The following ZDHHC15 variants were observed in gnomAD, a reference collection of about 807,000 sequenced individuals.
ZDHHC15 encodes the protein zDHHC palmitoyltransferase 15, also known as palmitoyltransferase ZDHHC15.
ZDHHC15 carries 19 observed loss-of-function variants against 31.7 expected under a neutral mutation model. The ratio of observed to expected loss-of-function variants is 0.60; its 90% CI spans 0.42 to 0.88. The LOEUF (loss-of-function observed/expected upper bound fraction) is 0.88, where lower values mean the gene tolerates loss of function less well. Among genes scored for constraint, ZDHHC15 ranks in the 40% least tolerant of loss-of-function variants. ZDHHC15 has a pLI of 0.00. For missense variants in ZDHHC15, 209 were observed against 251.2 expected, an observed-to-expected ratio of 0.83 and a Z score of 1.14; for synonymous variants, 103 against 90.0, an observed-to-expected ratio of 1.14 and a Z score of -0.82.
chrX:75,443,816 T>C (rs984804593), intron 4 of ZDHHC15, among the ~76,000 whole-genome samples: 5 of 111,889 alleles, frequency 4.5e-5, no homozygotes, highest in African/African-American at 6.5e-5. Flanking sequence ...AGGATATGAA[T>C]AGACACTTCT....
intron 7 of ZDHHC15, among the ~76,000 whole-genome samples, chrX:75,426,663 A>T (rs1167218825): frequency 9.0e-6 from 1 of 111,550 alleles, no homozygotes; most frequent in Non-Finnish European, 1.9e-5. Context: ...ACATAAGGAA[A>T]AGCTCAATCT....
At position 75,489,939 on chromosome X, in the gene ZDHHC15, G is replaced by A. The variant is rs957511228; in HGVS notation, c.164-10954C>T. Among the ~76,000 whole-genome samples the A allele has an allele frequency of 7.1e-5, 8 of 112,206 alleles. No homozygotes were observed. The East Asian group carries it at 1.1e-3, about 16-fold the overall frequency. Reference sequence around the variant, plus strand: ...AAACAAGGCACAAGAACTATGTGACGAATGCACTAGCCTCAGTAGCCGATT... The same window carrying A: ...AAACAAGGCACAAGAACTATGTGACAAATGCACTAGCCTCAGTAGCCGATT... On this transcript the variant is annotated intron_variant, in intron 2 of 11. Coordinates refer to ENST00000373367, the MANE Select transcript of ZDHHC15 (RefSeq NM_144969.3).
chrX:75,505,923 A>G, intron 1 of ZDHHC15, 76 bp from the exon 2 acceptor site: 1 of 954,416 alleles, frequency 1.0e-6, no homozygotes, highest in Non-Finnish European at 1.5e-6. Flanking sequence ...GAAATTAGTT[A>G]TATTTAAAAA....
chrX:75,507,224 C>T (rs891883862), intron 1 of ZDHHC15, among the ~76,000 whole-genome samples: 4 of 111,224 alleles, frequency 3.6e-5, no homozygotes, highest in Non-Finnish European at 5.7e-5. Context: ...TGACTAGCAG[C>T]CTTGGGAAAA....
At chrX:75,438,717 C>T (rs937144446) in intron 4 of ZDHHC15, among the ~76,000 whole-genome samples, 1 of 111,092 alleles carries the variant, frequency 9.0e-6, no homozygotes, top group African/African-American at 3.3e-5. Flanking sequence ...TGCATCAATG[C>T]CTTTTTTACA....
chrX:75,438,527 C>T (rs1360545015), intron 4 of ZDHHC15, among the ~76,000 whole-genome samples: 1 of 111,126 alleles, frequency 9.0e-6, no homozygotes, highest in Non-Finnish European at 1.9e-5. Context: ...TTTTTTCACT[C>T]CTGTACCTTA....
At position 75,422,123 on chromosome X, in the gene ZDHHC15, G is replaced by C. The variant is rs920156669; in HGVS notation, c.737-133C>G. On this transcript the variant is annotated intron_variant, in intron 8 of 11. Coordinates refer to ENST00000373367, the MANE Select transcript of ZDHHC15 (RefSeq NM_144969.3). ...TATATCTTTTTGCTGTGGTAGCACA[G>C]ACCTCTCATTTTTAGGTATTGCTAA... is the stretch of plus-strand genomic sequence containing the variant. The C allele has an allele frequency of 1.3e-5, 10 of 794,433 alleles. No homozygotes were observed. The African/African-American group carries it at 1.9e-4, about 15-fold the overall frequency. 65.5% of individuals were successfully genotyped at this position (794,433 alleles called of 1,213,427 possible). A position where few individuals can be genotyped will look rare whatever the true frequency, so the allele number is the denominator to read the frequency against.
intron 3 of ZDHHC15, among the ~76,000 whole-genome samples, chrX:75,465,873 C>G (rs1323476838): frequency 1.8e-5 from 2 of 111,430 alleles, no homozygotes; most frequent in Non-Finnish European, 3.8e-5. Context: ...CAATACTATT[C>G]AGGACATAGG....
chrX:75,413,043 G>A (rs947535338), intron 10 of ZDHHC15, among the ~76,000 whole-genome samples: 1 of 111,460 alleles, frequency 9.0e-6, no homozygotes, highest in Non-Finnish European at 1.9e-5. Flanking sequence ...TTTTCTAAGA[G>A]CATAGATTAT....
At chrX:75,466,482 C>G (rs1445970248) in intron 3 of ZDHHC15, among the ~76,000 whole-genome samples, 2 of 111,423 alleles carry the variant, frequency 1.8e-5, no homozygotes, top group Non-Finnish European at 3.8e-5. Flanking sequence ...TTTAAAGATA[C>G]ATGCATTAAT....
At position 75,401,281 on chromosome X, in the gene ZDHHC15, GA is replaced by G. The variant is rs756971505; in HGVS notation, c.967+15805del. On this transcript the variant is annotated intron_variant, in intron 10 of 11. Coordinates refer to ENST00000373367, the MANE Select transcript of ZDHHC15 (RefSeq NM_144969.3). Reference sequence around the variant, plus strand: ...AAAAAAAAAAAAAGAAAAGAAAAAAGAAAAACACACTTAAACACACTGACCA... The same window carrying G: ...AAAAAAAAAAAAAGAAAAGAAAAAAGAAAACACACTTAAACACACTGACCA... 4.1e-3 allele frequency among the ~76,000 whole-genome samples: 439 copies of G among 106,799 alleles called. 3 individuals are homozygous for G. Among genetic ancestry groups the G allele is most frequent in the African/African-American group, 0.014 (412 of 29,636 alleles). 92.7% of individuals were successfully genotyped at this position (106,799 alleles called of 115,157 possible). A position where few individuals can be genotyped will look rare whatever the true frequency, so the allele number is the denominator to read the frequency against.
chrX:75,520,099 C>G (rs920483218), intron 1 of ZDHHC15, among the ~76,000 whole-genome samples: 1 of 112,020 alleles, frequency 8.9e-6, no homozygotes, highest in Non-Finnish European at 1.9e-5. Flanking sequence ...CTTATTCTGT[C>G]TGTTCCTCAG....
In ZDHHC15 at chrX:75,392,933, G is replaced by GT. The variant is rs142978992; in HGVS notation, c.968-13736_968-13735insA. Among the ~76,000 whole-genome samples the GT allele has an allele frequency of 7.6e-3, 802 of 104,905 alleles. 4 individuals carry two copies. The highest frequency in any genetic ancestry group is 0.012 in the African/African-American group (332 of 28,635). The allele number at this position is 104,905 out of a possible 115,157, so 91.1% of individuals were successfully genotyped here. ...TTCAGGAAGCACTTCAGCAGGTCAT[G>GT]GTTTTTTTTTTTTTCCTGATAAAGT... On this transcript the variant is annotated intron_variant, in intron 10 of 11. Coordinates refer to ENST00000373367, the MANE Select transcript of ZDHHC15 (RefSeq NM_144969.3).
intron 3 of ZDHHC15, among the ~76,000 whole-genome samples, chrX:75,472,524 CAAAG>C (rs779769679): frequency 4.5e-5 from 5 of 112,068 alleles, no homozygotes; most frequent in Admixed American, 9.4e-5. Context: ...AAATTGGTGA[CAAAG>C]AAATTTGGGG....
At chrX:75,488,098 T>G (rs2084807548) in intron 2 of ZDHHC15, among the ~76,000 whole-genome samples, 1 of 112,241 alleles carries the variant, frequency 8.9e-6, no homozygotes, top group Non-Finnish European at 1.9e-5. Flanking sequence ...GACAACTTAT[T>G]TGAGGGAATA....
rs1162379656 is a variant in ZDHHC15, at chrX:75,369,882, A to G, written c.*3096T>C. 2.4e-4 allele frequency: 27 copies of G among 111,892 alleles called. No homozygotes were observed. In the Admixed American group the frequency reaches 2.6e-3, roughly 11 times the overall value. 9.2% of individuals were successfully genotyped at this position (111,892 alleles called of 1,213,427 possible). On this transcript the variant is annotated 3_prime_UTR_variant, in exon 12 of 12. Coordinates refer to ENST00000373367, the MANE Select transcript of ZDHHC15 (RefSeq NM_144969.3). Reference sequence around the variant, plus strand: ...ACTTTAACAATGTACTGAACATGGTAACTGTGAGCCCTGCATAAGACAGCT... The same window carrying G: ...ACTTTAACAATGTACTGAACATGGTGACTGTGAGCCCTGCATAAGACAGCT...
intron 3 of ZDHHC15, among the ~76,000 whole-genome samples, chrX:75,472,667 G>A (rs12844468): frequency 8.9e-6 from 1 of 112,146 alleles, no homozygotes; most frequent in Non-Finnish European, 1.9e-5. Flanking sequence ...AGGACGACCT[G>A]TTCTGTGGAC....
At chrX:75,402,329 G>T (rs2083366639) in intron 10 of ZDHHC15, among the ~76,000 whole-genome samples, 1 of 110,945 alleles carries the variant, frequency 9.0e-6, no homozygotes, top group Non-Finnish European at 1.9e-5. Context: ...ACAACTGAAA[G>T]AATTAGAGAA....
chrX:75,418,474 G>C (rs777107071), intron 9 of ZDHHC15, among the ~76,000 whole-genome samples: 48 of 112,013 alleles, frequency 4.3e-4, no homozygotes, highest in Non-Finnish European at 8.6e-4. Context: ...GTCATTCAGA[G>C]AACACAAGCT....
Sources: allele counts gnomAD v4.1 joint callset (sites outside exome capture counted in the v4.1 genomes callset), GRCh38; gene constraint gnomAD v4.1.1; transcripts MANE v1.5; gene names NCBI Gene and HGNC (gene_info 2026-07-23, HGNC 2026-07-21).